AMOTL1: variants seen among roughly 807,000 people sequenced by gnomAD.
AMOTL1 encodes the protein angiomotin-like protein 1.
In AMOTL1, 45 loss-of-function variants were observed where a neutral mutation model predicts 102.9. That is an observed-to-expected ratio of 0.44 (90% CI 0.34 to 0.56). The LOEUF (loss-of-function observed/expected upper bound fraction) is 0.56, where lower values mean the gene tolerates loss of function less well. Among genes scored for constraint, AMOTL1 ranks in the 20% least tolerant of loss-of-function variants. The pLI is 0.01. For missense variants in AMOTL1, 1,114 were observed against 1,225.6 expected (o/e 0.91, Z 1.36); for synonymous variants, 481 against 484.7 (o/e 0.99, Z 0.10).
At position 94,873,785 on chromosome 11, in the gene AMOTL1, A is replaced by ACGCACG. The variant is rs981586529; in HGVS notation, c.*2991_*2992insGCACGC. 1 of 142,066 alleles carries ACGCACG rather than the reference A, an allele frequency of 7.0e-6. No individual in the cohort carries two copies. The allele number at this position is 142,066 out of a possible 1,614,324, so 8.8% of individuals were successfully genotyped here. A position where few individuals can be genotyped will look rare whatever the true frequency, so the allele number is the denominator to read the frequency against. ...TGTGTGCACGTGTAACTACACACACACACACACACACACACACACACACAC... is the reference window on the plus strand; with the variant it reads ...TGTGTGCACGTGTAACTACACACACACGCACGCACACACACACACACACACACACAC... On this transcript the variant is annotated 3_prime_UTR_variant, in exon 13 of 13. Coordinates refer to ENST00000433060, the MANE Select transcript of AMOTL1 (RefSeq NM_130847.3).
At chr11:94,814,012 A>C (rs1275358953) in intron 3 of AMOTL1, among the ~76,000 whole-genome samples, 7 of 152,142 alleles carry the variant, frequency 4.6e-5, no homozygotes, top group Non-Finnish European at 1.0e-4. Flanking sequence ...GCTGAGGGGC[A>C]CAGATGAGTC....
At chr11:94,780,840 C>G (rs1242528705) in intron 1 of AMOTL1, among the ~76,000 whole-genome samples, 1 of 152,174 alleles carries the variant, frequency 6.6e-6, no homozygotes, top group Non-Finnish European at 1.5e-5. Context: ...AACAGCAGAG[C>G]CAGGATTCTT....
intron 1 of AMOTL1, 145 bp from the exon 2 acceptor site, chr11:94,794,866 T>C (rs1394552059): frequency 2.1e-6 from 2 of 940,784 alleles, no homozygotes; most frequent in African/African-American, 1.7e-5. Context: ...AATAGTAACT[T>C]TGGAATTTTA....
intron 3 of AMOTL1, among the ~76,000 whole-genome samples, chr11:94,808,709 C>T (rs1002674631): frequency 3.9e-5 from 6 of 152,168 alleles, no homozygotes; most frequent in African/African-American, 1.4e-4. Flanking sequence ...TCTAGAGCAG[C>T]TCTCACTGTT....
At chr11:94,769,893 T>C (rs1950919672) in intron 1 of AMOTL1, among the ~76,000 whole-genome samples, 1 of 152,156 alleles carries the variant, frequency 6.6e-6, no homozygotes, top group Non-Finnish European at 1.5e-5. Flanking sequence ...CGAGAGCCAG[T>C]TGTGATACCT....
chr11:94,783,783 T>C (rs1197757544), intron 1 of AMOTL1, among the ~76,000 whole-genome samples: 1 of 152,238 alleles, frequency 6.6e-6, no homozygotes, highest in Non-Finnish European at 1.5e-5. Flanking sequence ...TCTAGCACTG[T>C]CTTGCCCATG....
chr11:94,782,078 T>C (rs1449831500), intron 1 of AMOTL1, among the ~76,000 whole-genome samples: 1 of 152,138 alleles, frequency 6.6e-6, no homozygotes, highest in Non-Finnish European at 1.5e-5. Context: ...ATGAAGTGCT[T>C]CCGCTGCAAA....
chr11:94,794,861 T>C (rs1951337488), intron 1 of AMOTL1, 150 bp from the exon 2 acceptor site: 1 of 896,654 alleles, frequency 1.1e-6, no homozygotes, highest in East Asian at 2.7e-5. Context: ...TTCTGAATAG[T>C]AACTTTGGAA....
At chr11:94,768,321 G>T, upstream of AMOTL1, 1 of 1,361,620 alleles carries the variant, frequency 7.3e-7, no homozygotes, top group Non-Finnish European at 9.4e-7. Flanking sequence ...TCCCCGGCCC[G>T]CGCGCGGGGA....
Position 94,792,290 on chromosome 11 carries a change from A to G in AMOTL1, c.50-2721A>G, listed in dbSNP as rs561090777. Among the ~76,000 whole-genome samples, 5 of 152,274 alleles carry G rather than the reference A, an allele frequency of 3.3e-5. No homozygotes were observed. In the East Asian group the frequency reaches 9.7e-4, roughly 29 times the overall value. ...AACAATGAGAACACTTGGACACAGG[A>G]TGGGGAACATCACACACCGGGGCCT... On this transcript the variant is annotated intron_variant, in intron 1 of 12. Transcript: ENST00000433060.
chr11:94,856,545 A>G (rs1163639493), intron 8 of AMOTL1, among the ~76,000 whole-genome samples: 1 of 152,148 alleles, frequency 6.6e-6, no homozygotes, highest in African/African-American at 2.4e-5. Context: ...TGTCCGGGAA[A>G]GGGGATCCAG....
intron 2 of AMOTL1, among the ~76,000 whole-genome samples, chr11:94,733,684 A>G (rs986610797): frequency 6.6e-6 from 1 of 152,214 alleles, no homozygotes; most frequent in Non-Finnish European, 1.5e-5. Flanking sequence ...CATTTATCCT[A>G]CAGATTTTGT....
chr11:94,756,466 A>G (rs1264601691), intron 3 of AMOTL1, among the ~76,000 whole-genome samples: 4 of 152,292 alleles, frequency 2.6e-5, no homozygotes, highest in Admixed American at 2.0e-4. Flanking sequence ...ACAGAATTTC[A>G]TGGAATAGCT....
intron 2 of AMOTL1, among the ~76,000 whole-genome samples, chr11:94,732,128 G>A (rs1950364148): frequency 6.6e-6 from 1 of 152,148 alleles, no homozygotes. Flanking sequence ...TTCTATCTCT[G>A]AGGCTCAATA....
At chr11:94,834,722 T>G (rs1324728143) in intron 6 of AMOTL1, among the ~76,000 whole-genome samples, 3 of 152,166 alleles carry the variant, frequency 2.0e-5, no homozygotes, top group Non-Finnish European at 4.4e-5. Flanking sequence ...ATGCTCAGCT[T>G]TTTTGCTAGG....
At chr11:94,758,681 A>G (rs1950757182) in intron 3 of AMOTL1, among the ~76,000 whole-genome samples, 2 of 152,252 alleles carry the variant, frequency 1.3e-5, no homozygotes, top group South Asian at 4.1e-4. Context: ...TACATAAAGT[A>G]TAGCAGGATT....
At chr11:94,823,605 T>C (rs1951909173) in intron 4 of AMOTL1, among the ~76,000 whole-genome samples, 1 of 152,200 alleles carries the variant, frequency 6.6e-6, no homozygotes, top group African/African-American at 2.4e-5. Context: ...ACAGACCCAC[T>C]TGAAGGCAGA....
chr11:94,735,774 G>A (rs1322176146), intron 2 of AMOTL1, among the ~76,000 whole-genome samples: 2 of 152,122 alleles, frequency 1.3e-5, no homozygotes, highest in African/African-American at 4.8e-5. Flanking sequence ...ATTAGGAGAG[G>A]ACAGGAAAGG....
chr11:94,744,946 T>A (rs886939856), intron 3 of AMOTL1, among the ~76,000 whole-genome samples: 15 of 152,252 alleles, frequency 9.9e-5, no homozygotes, highest in Non-Finnish European at 2.1e-4. Flanking sequence ...GTTTTTTAAA[T>A]TTTTAAATCA....
Sources: allele counts gnomAD v4.1 joint callset (sites outside exome capture counted in the v4.1 genomes callset), GRCh38; gene constraint gnomAD v4.1.1; transcripts MANE v1.5; gene names NCBI Gene and HGNC (gene_info 2026-07-23, HGNC 2026-07-21).